Variants in EYS observed in about 807,000 individuals in gnomAD.
EYS encodes protein eyes shut homolog.
In EYS, 250 loss-of-function variants were observed where a neutral mutation model predicts 282.1. That is an observed-to-expected ratio of 0.89 (90% confidence interval 0.80 to 0.98). EYS has a LOEUF of 0.98. EYS is among the 50% of genes least tolerant of loss of function. The pLI, the probability that EYS is intolerant of heterozygous loss-of-function variation, is 0.00. For synonymous variants in EYS, 1,355 were observed against 1,282.9 expected, an observed-to-expected ratio of 1.06 and a Z score of -1.20; for missense variants, 4,016 against 3,709.0, an observed-to-expected ratio of 1.08 and a Z score of -2.15.
chr6:64,029,588 A>G (rs1404471428), intron 33 of EYS, among the ~76,000 whole-genome samples: 3 of 152,228 alleles, frequency 2.0e-5, no homozygotes, highest in African/African-American at 7.2e-5. Flanking sequence ...ATGACTGCCA[A>G]CAAATTATAG....
chr6:64,823,285 T>G (rs1451349104), intron 19 of EYS, among the ~76,000 whole-genome samples: 1 of 151,896 alleles, frequency 6.6e-6, no homozygotes, highest in Non-Finnish European at 1.5e-5. Flanking sequence ...TTTGGCTAAA[T>G]ACCTGGGATT....
chr6:64,039,470 TAA>T (rs1032635641), intron 33 of EYS, among the ~76,000 whole-genome samples: 5 of 152,290 alleles, frequency 3.3e-5, no homozygotes, highest in African/African-American at 1.2e-4. Flanking sequence ...GTTAGAGGGA[TAA>T]ATAAAAGAGG....
intron 12 of EYS, among the ~76,000 whole-genome samples, chr6:65,109,580 C>A (rs1011883184): frequency 1.3e-5 from 2 of 151,802 alleles, no homozygotes; most frequent in Non-Finnish European, 2.9e-5. Flanking sequence ...CCCCCTTTGG[C>A]TCTTTCCCTT....
chr6:64,327,761 C>A (rs1770484805), intron 29 of EYS, among the ~76,000 whole-genome samples: 1 of 152,154 alleles, frequency 6.6e-6, no homozygotes, highest in African/African-American at 2.4e-5. Context: ...GTCCTACAGG[C>A]CCCACCTGAA....
intron 27 of EYS, 37 bp downstream of exon 27, chr6:64,439,125 G>T: frequency 8.4e-7 from 1 of 1,189,902 alleles, no homozygotes; most frequent in Non-Finnish European, 1.1e-6. Context: ...GAACAACTTT[G>T]TAATTTTTAA....
intron 2 of EYS, among the ~76,000 whole-genome samples, chr6:65,554,118 T>G (rs1041604705): frequency 6.6e-6 from 1 of 152,126 alleles, no homozygotes; most frequent in African/African-American, 2.4e-5. Context: ...AAGCATTCCA[T>G]CACCAGGATC....
chr6:65,362,420 T>C (rs957075357), intron 8 of EYS, among the ~76,000 whole-genome samples: 4 of 152,072 alleles, frequency 2.6e-5, no homozygotes, highest in Non-Finnish European at 4.4e-5. Context: ...CACATAGATA[T>C]ATTTTACTAT....
chr6:65,412,959 G>A (rs905193129), intron 5 of EYS, among the ~76,000 whole-genome samples: 1 of 152,018 alleles, frequency 6.6e-6, no homozygotes, highest in Non-Finnish European at 1.5e-5. Flanking sequence ...TTTTTCTGAG[G>A]TGAAAGCATT....
intron 2 of EYS, among the ~76,000 whole-genome samples, chr6:65,615,741 T>C (rs1347457528): frequency 1.3e-5 from 2 of 151,916 alleles, no homozygotes; most frequent in African/African-American, 2.4e-5. Context: ...AAAGTCAACC[T>C]GGCTAACACG....
chr6:64,296,587 TATATATA>T (rs1561913837), intron 30 of EYS, among the ~76,000 whole-genome samples: 4 of 3,512 alleles, frequency 1.1e-3, no homozygotes, highest in African/African-American at 3.3e-3. Context: ...TATATATACA[TATATATA>T]TATATTTTTT....
intron 2 of EYS, among the ~76,000 whole-genome samples, chr6:65,580,436 C>G (rs1000507329): frequency 1.2e-4 from 19 of 152,064 alleles, no homozygotes; most frequent in Admixed American, 7.2e-4. Context: ...GATTTGTAGA[C>G]AACAAATTAC....
At chr6:64,052,671 G>A (rs1016282383) in intron 33 of EYS, among the ~76,000 whole-genome samples, 17 of 152,162 alleles carry the variant, frequency 1.1e-4, no homozygotes, top group Non-Finnish European at 2.4e-4. Context: ...ATCCTGAATT[G>A]TAATAATCCT....
chr6:65,138,445 T>C (rs1776084213), intron 12 of EYS, among the ~76,000 whole-genome samples: 1 of 152,092 alleles, frequency 6.6e-6, no homozygotes, highest in Admixed American at 6.6e-5. Context: ...ATTAAGAGTG[T>C]ATATTTGGTT....
At chr6:64,105,536 G>A (rs560379051) in intron 31 of EYS, among the ~76,000 whole-genome samples, 11 of 152,164 alleles carry the variant, frequency 7.2e-5, no homozygotes, top group South Asian at 2.1e-4. Flanking sequence ...GTCCATCATT[G>A]TAATATCATA....
chr6:63,840,552 T>C (rs1771930232), intron 36 of EYS, among the ~76,000 whole-genome samples: 1 of 152,162 alleles, frequency 6.6e-6, no homozygotes, highest in African/African-American at 2.4e-5. Context: ...TCGAATCCTA[T>C]TTGTCTATTT....
intron 26 of EYS, among the ~76,000 whole-genome samples, chr6:64,527,513 AC>A (rs1192373301): frequency 6.6e-6 from 1 of 151,852 alleles, no homozygotes; most frequent in Admixed American, 6.6e-5. Context: ...TATTGTTCAC[AC>A]GACTATCCTT....
intron 36 of EYS, among the ~76,000 whole-genome samples, chr6:63,832,578 C>T (rs1388037677): frequency 2.0e-5 from 3 of 152,114 alleles, no homozygotes; most frequent in Non-Finnish European, 4.4e-5. Flanking sequence ...TAATTAATAG[C>T]CTACCAACCC....
intron 12 of EYS, among the ~76,000 whole-genome samples, chr6:65,203,955 CAGA>C (rs1437411480): frequency 1.3e-5 from 2 of 151,510 alleles, no homozygotes; most frequent in African/African-American, 2.4e-5. Context: ...TAGAAAAAAG[CAGA>C]AGAATTTCAG....
chr6:65,428,940 T>C (rs914601889), intron 5 of EYS, among the ~76,000 whole-genome samples: 4 of 152,082 alleles, frequency 2.6e-5, no homozygotes. Context: ...CCTGGCACTT[T>C]GGGAGGCCGA....
Sources: gnomAD v4.1 joint callset for allele counts (sites outside exome capture counted in the v4.1 genomes callset) on GRCh38, gnomAD v4.1.1 for gene constraint, MANE v1.5 for transcripts, NCBI Gene and HGNC (gene_info 2026-07-23, HGNC 2026-07-21) for gene names.